PLEKHH2: variants seen among roughly 807,000 people sequenced by gnomAD.
PLEKHH2 encodes pleckstrin homology domain-containing family H member 2.
A neutral mutation model predicts 187.9 loss-of-function variants in PLEKHH2; 129 were observed. The observed-to-expected ratio is 0.69, with a 90% CI of 0.59 to 0.79. PLEKHH2 has a LOEUF of 0.79. Ranked by LOEUF, PLEKHH2 falls within the 30% of genes least tolerant of loss-of-function variation. The pLI, the probability that PLEKHH2 is intolerant of heterozygous loss-of-function variation, is 0.00. For synonymous variants in PLEKHH2, 686 were observed against 605.6 expected (o/e 1.13, Z -1.95); for missense variants, 2,076 against 1,751.2 (o/e 1.19, Z -3.31).
chr2:43,647,460 C>T (rs1240815939), intron 2 of PLEKHH2, among the ~76,000 whole-genome samples: 3 of 152,192 alleles, frequency 2.0e-5, no homozygotes, highest in Admixed American at 1.3e-4. Context: ...TTTTCACCTT[C>T]CTTGCCTTCT....
Position 43,678,846 on chromosome 2 carries a change from T to C in PLEKHH2, c.124-17T>C. The C allele has an allele frequency of 1.3e-6, 2 of 1,560,118 alleles. No homozygotes were observed. Among genetic ancestry groups the C allele is most frequent in the Non-Finnish European group, 1.7e-6 (2 of 1,147,142 alleles). On this transcript the variant is annotated splice_polypyrimidine_tract_variant and intron_variant, in intron 2 of 29. Transcript: ENST00000282406. ...CAAAAATAAATTTTTGTATTTATAT[T>C]TTCCCTCACTCTACAGATGCAACAG...
rs926229490 is a variant in PLEKHH2, at chr2:43,720,589, C to A, written c.2461-80C>A. The A allele has an allele frequency of 3.2e-6, 5 of 1,565,518 alleles. No individual in the cohort carries two copies. In the African/African-American group the frequency reaches 6.9e-5, roughly 22 times the overall value. On this transcript the variant is annotated intron_variant, in intron 15 of 29. Transcript: ENST00000282406. ...TGGGCAAACTGGATGCCTATAGAAA[C>A]TCAAATAGGGTGTATAAGCTATAAT...
At chr2:43,686,555 C>T (rs945924247) in intron 3 of PLEKHH2, among the ~76,000 whole-genome samples, 6 of 152,172 alleles carry the variant, frequency 3.9e-5, no homozygotes, top group Admixed American at 6.5e-5. Flanking sequence ...ATATCCATGA[C>T]CTTGTAATGG....
intron 2 of PLEKHH2, among the ~76,000 whole-genome samples, chr2:43,647,120 A>T (rs1666220095): frequency 6.6e-6 from 1 of 152,156 alleles, no homozygotes; most frequent in Non-Finnish European, 1.5e-5. Flanking sequence ...AGCTCTGTAT[A>T]GGTATGGTAT....
At position 43,729,584 on chromosome 2, in the gene PLEKHH2, T is replaced by G. The variant is rs577133095; in HGVS notation, c.2722-53T>G. On this transcript the variant is annotated intron_variant, in intron 17 of 29. Transcript: ENST00000282406. ...TACTGTTTATGCAAGTTGTTTTTTTTTCTTTAATCAAAACTGTGTCTTAAC... is the reference window on the plus strand; with the variant it reads ...TACTGTTTATGCAAGTTGTTTTTTTGTCTTTAATCAAAACTGTGTCTTAAC... 20 of 1,282,518 alleles carry G rather than the reference T, an allele frequency of 1.6e-5. 1 individual carries two copies. In the East Asian group the frequency reaches 4.5e-4, roughly 29 times the overall value. 79.4% of individuals were successfully genotyped at this position (1,282,518 alleles called of 1,614,324 possible).
intron 15 of PLEKHH2, among the ~76,000 whole-genome samples, chr2:43,715,439 G>A (rs904192151): frequency 5.9e-5 from 9 of 152,144 alleles, no homozygotes; most frequent in African/African-American, 1.7e-4. Flanking sequence ...ACCCTGCAGG[G>A]TTTGTAACAG....
At chr2:43,711,195 TCTTCAATAAC>T in intron 14 of PLEKHH2, 4 of 985,572 alleles carry the variant, frequency 4.1e-6, no homozygotes, top group Non-Finnish European at 4.8e-6. Flanking sequence ...TTCTGAAATG[TCTTCAATAAC>T]CATTATTTTC....
At chr2:43,721,891 T>TAAAC (rs984709554) in intron 16 of PLEKHH2, among the ~76,000 whole-genome samples, 1 of 149,848 alleles carries the variant, frequency 6.7e-6, no homozygotes, top group African/African-American at 2.5e-5. Context: ...TGTCTCAAAA[T>TAAAC]AAACAAACAA....
chr2:43,732,070 G>C, intron 19 of PLEKHH2, among the ~76,000 whole-genome samples: 1 of 152,060 alleles, frequency 6.6e-6, no homozygotes, highest in East Asian at 1.9e-4. Flanking sequence ...TAACTCTTCA[G>C]ATTTCTTTAA....
At chr2:43,681,245 A>G (rs1010139057) in intron 3 of PLEKHH2, 1 of 657,916 alleles carries the variant, frequency 1.5e-6, no homozygotes, top group African/African-American at 1.8e-5. Flanking sequence ...CTTTTTTCCA[A>G]TTACAATCCT....
chr2:43,731,161 T>A (rs1671018762), intron 18 of PLEKHH2, among the ~76,000 whole-genome samples: 1 of 152,160 alleles, frequency 6.6e-6, no homozygotes, highest in South Asian at 2.1e-4. Context: ...GGCAAATCAG[T>A]TTCAGTATAT....
intron 1 of PLEKHH2, among the ~76,000 whole-genome samples, chr2:43,638,285 ACACT>A (rs1182040771): frequency 6.9e-6 from 1 of 143,948 alleles, no homozygotes; most frequent in Non-Finnish European, 1.6e-5. Flanking sequence ...ACACACACAC[ACACT>A]CACACACACG....
Position 43,694,525 on chromosome 2 carries a change from CTA to C in PLEKHH2, c.420+15_420+16del. 1 of 1,529,940 alleles carries C rather than the reference CTA, an allele frequency of 6.5e-7. No individual in the cohort carries two copies. Among genetic ancestry groups the C allele is most frequent in the Non-Finnish European group, 8.8e-7 (1 of 1,133,622 alleles). The allele number at this position is 1,529,940 out of a possible 1,614,324, so 94.8% of individuals were successfully genotyped here. On this transcript the variant is annotated intron_variant, in intron 5 of 29. Transcript: ENST00000282406. The stretch of plus-strand genomic sequence containing the variant: ...GTTAAGTTAAATGAGGTATTTATTG[CTA>C]TATGTTTTCCTTTTCTTTACCTTTT...
At chr2:43,693,715 C>G (rs576170769) in intron 4 of PLEKHH2, among the ~76,000 whole-genome samples, 112 of 29,602 alleles carry the variant, frequency 3.8e-3, no homozygotes, top group African/African-American at 0.038. Context: ...CTGAGCGAGA[C>G]TCCATCTCAA....
In PLEKHH2 at chr2:43,742,866, A is replaced by T; in HGVS notation, c.3347A>T (p.His1116Leu). Reference sequence around the variant, plus strand: ...TCAACTCTTCTCCGAAACCCTTATCACCATTCTTTGCCCTTTAGTATACCT... The same window carrying T: ...TCAACTCTTCTCCGAAACCCTTATCTCCATTCTTTGCCCTTTAGTATACCT... ...ILSTLLRNPY[H>L]HSLPFSIPVH... is the part of the protein sequence containing the mutation. The change falls in exon 22 of 30, where the codon CAC becomes CTC. Residue 1116 changes from histidine to leucine, a missense_variant. By Grantham distance (99) the His-to-Leu change is moderately conservative. Transcript: ENST00000282406. The T allele has an allele frequency of 6.2e-7, 1 of 1,607,554 alleles. No homozygotes were observed.
intron 6 of PLEKHH2, among the ~76,000 whole-genome samples, chr2:43,696,658 C>CT (rs1269553853): frequency 6.6e-6 from 1 of 152,010 alleles, no homozygotes; most frequent in Non-Finnish European, 1.5e-5. Flanking sequence ...TCCCCATCTA[C>CT]TTTTTTCTCA....
chr2:43,738,943 G>A (rs1334008900), intron 20 of PLEKHH2, among the ~76,000 whole-genome samples: 1 of 152,184 alleles, frequency 6.6e-6, no homozygotes, highest in Non-Finnish European at 1.5e-5. Context: ...CCAGGCTGGA[G>A]TGCAATGGCA....
chr2:43,651,018 T>A (rs538489090), intron 2 of PLEKHH2, among the ~76,000 whole-genome samples: 1 of 152,166 alleles, frequency 6.6e-6, no homozygotes, highest in Non-Finnish European at 1.5e-5. Flanking sequence ...ATATACCTAA[T>A]GTATATTTAC....
Position 43,704,036 on chromosome 2 carries a change from A to G in PLEKHH2, c.1706A>G (p.Asn569Ser), listed in dbSNP as rs758309321. ...GGTATTCGAATGTCTGAGGCCTTCA[A>G]TATGGAGAGTGTTAATAAAAGTAAG... ...KSGIRMSEAF[N>S]MESVNKNSAA... The change falls in exon 9 of 30, where the codon AAT becomes AGT. Residue 569 changes from asparagine (N) to serine (S), a missense_variant. By Grantham distance (46) the Asn-to-Ser change is conservative (BLOSUM62 1). Transcript: ENST00000282406. 1.9e-6 allele frequency: 3 copies of G among 1,605,268 alleles called. No individual in the cohort carries two copies. The highest frequency in any genetic ancestry group is 3.4e-5 in the Admixed American group (2 of 59,608).
Sources: allele counts gnomAD v4.1 joint callset (sites outside exome capture counted in the v4.1 genomes callset), GRCh38; gene constraint gnomAD v4.1.1; transcripts MANE v1.5; gene names NCBI Gene and HGNC (gene_info 2026-07-23, HGNC 2026-07-21).